Variants in MAGI1 observed in about 807,000 individuals in gnomAD.
MAGI1 encodes membrane associated guanylate kinase, WW and PDZ domain containing 1.
MAGI1 carries 58 observed loss-of-function variants against 139.9 expected under a neutral mutation model. The observed-to-expected ratio is 0.41, with a 90% CI of 0.34 to 0.52. The LOEUF is 0.52. MAGI1 is among the 20% of genes least tolerant of loss of function. The probability of loss-of-function intolerance (pLI) is 0.12; values close to 1 mark genes in which losing one functional copy is unlikely to be tolerated. For synonymous variants in MAGI1, 812 were observed against 737.9 expected, an observed-to-expected ratio of 1.10 and a Z score of -1.63; for missense variants, 1,874 against 1,901.6, an observed-to-expected ratio of 0.99 and a Z score of 0.27.
chr3:65,689,477 A>T (rs1469133863), intron 1 of MAGI1, among the ~76,000 whole-genome samples: 2 of 152,322 alleles, frequency 1.3e-5, no homozygotes, highest in East Asian at 3.9e-4. Context: ...CAAAGTAAAT[A>T]AAAATAAAAA....
In MAGI1 at chr3:65,382,052, G is replaced by T. The variant is rs1348098781; in HGVS notation, c.2526C>A (p.Ile842=). 13 of 1,611,278 alleles carry T rather than the reference G, an allele frequency of 8.1e-6. No homozygotes were observed. Among genetic ancestry groups the T allele is most frequent in the Non-Finnish European group, 9.3e-6 (11 of 1,179,018 alleles). ...EPGEPIYIGH[I]VPLGAADTDG... is the part of the protein sequence containing the mutation. The stretch of plus-strand genomic sequence containing the variant: ...CAGTATCAGCAGCACCCAGTGGTAC[G>T]ATGTGACCAATATAAATCTGTTGAG... The change falls in exon 16 of 23, where the codon ATC becomes ATA. Residue 842 remains isoleucine (I), a synonymous_variant. Transcript: ENST00000402939.
chr3:65,659,236 G>T (rs1040349173), intron 1 of MAGI1, among the ~76,000 whole-genome samples: 1 of 152,096 alleles, frequency 6.6e-6, no homozygotes, highest in African/African-American at 2.4e-5. Context: ...ATGAAAATGA[G>T]GCAGGAATAA....
Position 65,637,537 on chromosome 3 carries a change from T to C in MAGI1, c.314-15449A>G, listed in dbSNP as rs368520727. Among the ~76,000 whole-genome samples, 5 of 142,566 alleles carry C rather than the reference T, an allele frequency of 3.5e-5. No homozygotes were observed. The East Asian group carries it at 1.0e-3, about 29-fold the overall frequency. 93.5% of individuals were successfully genotyped at this position (142,566 alleles called of 152,430 possible). On this transcript the variant is annotated intron_variant, in intron 1 of 22. Transcript: ENST00000402939. The stretch of plus-strand genomic sequence containing the variant: ...TCACTGCATTTCAGCCTAGGTGACA[T>C]TGAGACCCTGTCTCCAAAAAAAGAA...
chr3:65,785,490 G>A (rs536906577), intron 1 of MAGI1, among the ~76,000 whole-genome samples: 2 of 152,180 alleles, frequency 1.3e-5, no homozygotes, highest in South Asian at 2.1e-4. Context: ...CAGAAACTAC[G>A]GATAATGTTG....
chr3:65,629,091 C>T (rs2084140711), intron 1 of MAGI1, among the ~76,000 whole-genome samples: 1 of 151,892 alleles, frequency 6.6e-6, no homozygotes, highest in South Asian at 2.1e-4. Context: ...TGTTACATAC[C>T]AACTCTTACC....
intron 12 of MAGI1, among the ~76,000 whole-genome samples, chr3:65,428,628 G>C (rs1037372432): frequency 6.6e-6 from 1 of 152,084 alleles, no homozygotes; most frequent in African/African-American, 2.4e-5. Flanking sequence ...AAAGGAGTCA[G>C]GTGTTGTGTT....
chr3:65,699,424 A>G (rs1432628032), intron 1 of MAGI1, among the ~76,000 whole-genome samples: 3 of 148,414 alleles, frequency 2.0e-5, no homozygotes, highest in Non-Finnish European at 3.0e-5. Flanking sequence ...AGACACACGC[A>G]CACATATGTT....
chr3:65,469,017 T>C (rs1475042552), intron 5 of MAGI1, among the ~76,000 whole-genome samples: 2 of 150,960 alleles, frequency 1.3e-5, no homozygotes, highest in Non-Finnish European at 3.0e-5. Context: ...ACACAAAGTA[T>C]AAAAAATTCA....
chr3:65,780,841 CT>C (rs2038871602), intron 1 of MAGI1, among the ~76,000 whole-genome samples: 1 of 152,146 alleles, frequency 6.6e-6, no homozygotes, highest in Non-Finnish European at 1.5e-5. Context: ...GGGATTTGCA[CT>C]GCTTATGGTA....
At chr3:65,627,458 A>G (rs1038965084) in intron 1 of MAGI1, among the ~76,000 whole-genome samples, 3 of 88,894 alleles carry the variant, frequency 3.4e-5, no homozygotes, top group Non-Finnish European at 4.7e-5. Context: ...TGCTCTCTTG[A>G]TTTGCCGTTA....
intron 1 of MAGI1, among the ~76,000 whole-genome samples, chr3:65,883,884 C>T (rs2060431999): frequency 6.6e-6 from 1 of 152,156 alleles, no homozygotes; most frequent in Non-Finnish European, 1.5e-5. Flanking sequence ...GGAGCCAGAA[C>T]ATTTCCTGTT....
At chr3:65,432,282 C>A (rs1019003012) in intron 10 of MAGI1, among the ~76,000 whole-genome samples, 4 of 152,106 alleles carry the variant, frequency 2.6e-5, no homozygotes, top group Non-Finnish European at 5.9e-5. Flanking sequence ...CACACAGCTT[C>A]TCCATCTGCC....
chr3:65,739,492 C>T (rs1057499069), intron 1 of MAGI1, among the ~76,000 whole-genome samples: 2 of 152,194 alleles, frequency 1.3e-5, no homozygotes, highest in African/African-American at 4.8e-5. Context: ...CCTTTGCATT[C>T]ACAACTTAGT....
In MAGI1 at chr3:65,886,206, C is replaced by T. The variant is rs145111121; in HGVS notation, c.313+151790G>A. ...TTACCTAATAAGATACTGTTTCACA[C>T]CAATTCTGCACAGAAAGTTCATATG... On this transcript the variant is annotated intron_variant, in intron 1 of 22. Coordinates refer to ENST00000402939, the MANE Select transcript of MAGI1 (RefSeq NM_001033057.2). 5.4e-3 allele frequency among the ~76,000 whole-genome samples: 827 copies of T among 152,250 alleles called. 10 individuals are homozygous for T. The highest frequency in any genetic ancestry group is 0.014 in the African/African-American group (580 of 41,556).
In MAGI1 at chr3:65,930,977, C is replaced by T. The variant is rs191524967; in HGVS notation, c.313+107019G>A. On this transcript the variant is annotated intron_variant, in intron 1 of 22. Transcript: ENST00000402939. ...AAGAAGTAAACATAAAAATAGCCAA[C>T]AATCAGTCCATGCTTCTGCTCTGCC... Among the ~76,000 whole-genome samples, 12 of 152,182 alleles carry T rather than the reference C, an allele frequency of 7.9e-5. No individual in the cohort carries two copies. In the East Asian group the frequency reaches 1.9e-3, roughly 24 times the overall value.
intron 2 of MAGI1, among the ~76,000 whole-genome samples, chr3:65,562,952 T>C (rs1306570755): frequency 2.6e-5 from 4 of 152,240 alleles, no homozygotes; most frequent in Non-Finnish European, 5.9e-5. Flanking sequence ...TCTTTCATGA[T>C]ATAAACCATA....
At chr3:65,952,768 C>T (rs2063929067) in intron 1 of MAGI1, among the ~76,000 whole-genome samples, 1 of 152,172 alleles carries the variant, frequency 6.6e-6, no homozygotes, top group African/African-American at 2.4e-5. Flanking sequence ...GAGCCAAGAT[C>T]ATGCCACTGC....
At chr3:65,909,641 A>G (rs1318944343) in intron 1 of MAGI1, among the ~76,000 whole-genome samples, 2 of 152,172 alleles carry the variant, frequency 1.3e-5, no homozygotes, top group East Asian at 1.9e-4. Flanking sequence ...GGCTGCAGTG[A>G]GCTGTGATCA....
intron 22 of MAGI1, among the ~76,000 whole-genome samples, chr3:65,358,032 C>T (rs1048341617): frequency 2.6e-5 from 4 of 152,052 alleles, no homozygotes; most frequent in African/African-American, 9.7e-5. Flanking sequence ...GGTTTAGAGG[C>T]ATTTTTTCTT....
Sources: allele counts gnomAD v4.1 joint callset (sites outside exome capture counted in the v4.1 genomes callset), GRCh38; gene constraint gnomAD v4.1.1; transcripts MANE v1.5; gene names NCBI Gene and HGNC (gene_info 2026-07-23, HGNC 2026-07-21).